The following DENND1A variants were observed in gnomAD, a reference collection of about 807,000 sequenced individuals.
The protein encoded by DENND1A is DENN domain containing 1A.
DENND1A carries 51 observed loss-of-function variants against 113.7 expected under a neutral mutation model. That is an observed-to-expected ratio of 0.45 (90% CI 0.36 to 0.57). The LOEUF (loss-of-function observed/expected upper bound fraction) is 0.57, where lower values mean the gene tolerates loss of function less well. DENND1A is among the 20% of genes least tolerant of loss of function. DENND1A has a pLI of 0.00. For missense variants in DENND1A, 1,258 were observed against 1,395.9 expected (o/e 0.90, Z 1.57); for synonymous variants, 565 against 570.8 (o/e 0.99, Z 0.14).
intron 13 of DENND1A, among the ~76,000 whole-genome samples, chr9:123,473,654 T>C (rs2049635711): frequency 1.3e-5 from 2 of 152,192 alleles, no homozygotes; most frequent in Admixed American, 6.5e-5. Flanking sequence ...GGAAGCAGTA[T>C]GAGGGCTGCT....
At chr9:123,625,849 G>GT (rs924059670) in intron 10 of DENND1A, among the ~76,000 whole-genome samples, 1 of 152,168 alleles carries the variant, frequency 6.6e-6, no homozygotes, top group African/African-American at 2.4e-5. Flanking sequence ...GAAGCCCCGG[G>GT]TATTCCTCCC....
At chr9:123,602,669 T>C (rs1240439241) in intron 11 of DENND1A, among the ~76,000 whole-genome samples, 4 of 152,246 alleles carry the variant, frequency 2.6e-5, no homozygotes, top group African/African-American at 9.6e-5. Flanking sequence ...AATATCACTT[T>C]TTATTTCATT....
intron 13 of DENND1A, among the ~76,000 whole-genome samples, chr9:123,501,895 A>T (rs937949562): frequency 6.6e-6 from 1 of 152,226 alleles, no homozygotes; most frequent in African/African-American, 2.4e-5. Flanking sequence ...TTTGGGACTC[A>T]GACTGGCTCT....
At position 123,392,861 on chromosome 9, in the gene DENND1A, C is replaced by T. The variant is rs564137497; in HGVS notation, c.1632-5003G>A. ...CCCAGAGTCCCTTATGTCATTCTTACGCCTTTGCATCCTCAAAGCTTAGTT... is the reference window on the plus strand; with the variant it reads ...CCCAGAGTCCCTTATGTCATTCTTATGCCTTTGCATCCTCAAAGCTTAGTT... On this transcript the variant is annotated intron_variant, in intron 21 of 23. Transcript: ENST00000394215. Among the ~76,000 whole-genome samples the T allele has an allele frequency of 1.2e-3, 187 of 152,132 alleles. 1 individual carries two copies. Among genetic ancestry groups the T allele is most frequent in the Non-Finnish European group, 2.2e-3 (152 of 68,024 alleles).
chr9:123,407,209 G>T (rs895276507), intron 20 of DENND1A, among the ~76,000 whole-genome samples: 1 of 151,972 alleles, frequency 6.6e-6, no homozygotes, highest in African/African-American at 2.4e-5. Context: ...GGAGGCTGGG[G>T]AGGGAGAGAA....
chr9:123,572,363 T>C lies in DENND1A; in HGVS notation c.867+10806A>G, dbSNP rs375188244. ...ATATTAACCAGTTGGGGGACGTCTGTATTGTTTCTGGTTTGGGTTGCTAAA... is the reference window on the plus strand; with the variant it reads ...ATATTAACCAGTTGGGGGACGTCTGCATTGTTTCTGGTTTGGGTTGCTAAA... On this transcript the variant is annotated intron_variant, in intron 12 of 23. Transcript: ENST00000394215. Among the ~76,000 whole-genome samples, 11 of 152,304 alleles carry C rather than the reference T, an allele frequency of 7.2e-5. No individual in the cohort carries two copies. In the East Asian group the frequency reaches 1.9e-3, roughly 27 times the overall value.
chr9:123,786,425 G>T (rs770029213), intron 3 of DENND1A, among the ~76,000 whole-genome samples: 1 of 152,152 alleles, frequency 6.6e-6, no homozygotes, highest in African/African-American at 2.4e-5. Context: ...CCACTTTCAA[G>T]TGTTGTGGCC....
intron 2 of DENND1A, among the ~76,000 whole-genome samples, chr9:123,797,874 T>C (rs1285071181): frequency 6.6e-6 from 1 of 152,094 alleles, no homozygotes; most frequent in Admixed American, 6.6e-5. Context: ...ATTACTCTTT[T>C]CAAAAAATAC....
intron 19 of DENND1A, among the ~76,000 whole-genome samples, chr9:123,424,819 G>A (rs2045589305): frequency 1.3e-5 from 2 of 152,240 alleles, no homozygotes; most frequent in African/African-American, 4.8e-5. Context: ...TAAGTGAGAC[G>A]AAGTTTGTGA....
intron 3 of DENND1A, among the ~76,000 whole-genome samples, chr9:123,778,518 T>A (rs1453871511): frequency 6.6e-6 from 1 of 152,178 alleles, no homozygotes; most frequent in Non-Finnish European, 1.5e-5. Flanking sequence ...CCTATGAAAT[T>A]TTGGATTCCT....
chr9:123,887,421 T>G (rs538028801), intron 1 of DENND1A, among the ~76,000 whole-genome samples: 1 of 151,822 alleles, frequency 6.6e-6, no homozygotes, highest in Admixed American at 6.6e-5. Flanking sequence ...CAACCTGGTG[T>G]GGGAAGTCAG....
At chr9:123,679,300 T>G (rs1208459374) in intron 5 of DENND1A, among the ~76,000 whole-genome samples, 1 of 152,136 alleles carries the variant, frequency 6.6e-6, no homozygotes, top group African/African-American at 2.4e-5. Context: ...GCACAGAAGC[T>G]CCAGCCTCCA....
chr9:123,834,571 A>C (rs1331668590), intron 2 of DENND1A, among the ~76,000 whole-genome samples: 2 of 152,222 alleles, frequency 1.3e-5, no homozygotes, highest in Non-Finnish European at 2.9e-5. Context: ...GAACACGTAT[A>C]TATATGCTTA....
chr9:123,796,756 T>TACACACACACAC (rs370185315), intron 2 of DENND1A, among the ~76,000 whole-genome samples: 7,256 of 141,470 alleles, frequency 0.051, 218 homozygotes, highest in Admixed American at 0.084. Flanking sequence ...TATGTGTACA[T>TACACACACACAC]ACACACACAC....
chr9:123,809,478 A>G (rs1236791019), intron 2 of DENND1A, among the ~76,000 whole-genome samples: 1 of 152,066 alleles, frequency 6.6e-6, no homozygotes, highest in Non-Finnish European at 1.5e-5. Context: ...GCCTGAGACA[A>G]CTCATTGCTT....
chr9:123,762,937 G>C (rs1407424442), intron 4 of DENND1A, among the ~76,000 whole-genome samples: 1 of 152,202 alleles, frequency 6.6e-6, no homozygotes, highest in Non-Finnish European at 1.5e-5. Context: ...GAAAGAACTA[G>C]TTATGATCAA....
rs138650406 is a variant in DENND1A at position 123,918,489 on chromosome 9, GAA to G, written c.17+11398_17+11399del. Among the ~76,000 whole-genome samples, 125 of 138,236 alleles carry G rather than the reference GAA, an allele frequency of 9.0e-4. 1 individual carries two copies. The highest frequency in any genetic ancestry group is 7.9e-4 in the Admixed American group (11 of 13,930). 90.7% of individuals were successfully genotyped at this position (138,236 alleles called of 152,430 possible). A position where few individuals can be genotyped will look rare whatever the true frequency, so the allele number is the denominator to read the frequency against. On this transcript the variant is annotated intron_variant, in intron 1 of 23. Transcript: ENST00000394215. Reference sequence around the variant, plus strand: ...GGCAATAGAGGGAGACTCCGTCTCAGAAAAAAAAAAAAAAAGAAGAAATTCCC... The same window carrying G: ...GGCAATAGAGGGAGACTCCGTCTCAGAAAAAAAAAAAAAGAAGAAATTCCC...
chr9:123,889,811 A>T (rs1441890479), intron 1 of DENND1A, among the ~76,000 whole-genome samples: 1 of 152,098 alleles, frequency 6.6e-6, no homozygotes, highest in African/African-American at 2.4e-5. Flanking sequence ...CGTCTCTACT[A>T]AAAATACAAA....
intron 12 of DENND1A, among the ~76,000 whole-genome samples, chr9:123,560,307 A>T (rs2057670733): frequency 6.6e-6 from 1 of 152,232 alleles, no homozygotes; most frequent in Non-Finnish European, 1.5e-5. Context: ...CCATTCATAA[A>T]TGTGAACTGT....
Sources: allele counts gnomAD v4.1 joint callset (sites outside exome capture counted in the v4.1 genomes callset), GRCh38; gene constraint gnomAD v4.1.1; transcripts MANE v1.5; gene names NCBI Gene and HGNC (gene_info 2026-07-23, HGNC 2026-07-21).